The following MDGA2 variants were observed in gnomAD, a reference collection of about 807,000 sequenced individuals.
MDGA2 encodes the protein MAM domain-containing glycosylphosphatidylinositol anchor protein 2.
Under a neutral mutation model 117.8 loss-of-function variants are expected in MDGA2, and 40 were observed. The observed-to-expected ratio is 0.34, with a 90% CI of 0.26 to 0.44. MDGA2 has a LOEUF of 0.44. MDGA2 is among the 20% of genes least tolerant of loss of function. The pLI, the probability that MDGA2 is intolerant of heterozygous loss-of-function variation, is 1.00. For synonymous variants in MDGA2, 452 were observed against 439.0 expected (o/e 1.03, Z -0.37); for missense variants, 1,123 against 1,250.6 (o/e 0.90, Z 1.54).
intron 5 of MDGA2, among the ~76,000 whole-genome samples, chr14:47,130,002 A>AGC (rs1566641441): frequency 6.6e-6 from 1 of 151,028 alleles, no homozygotes; most frequent in Non-Finnish European, 1.5e-5. Flanking sequence ...GCCCTTTGTC[A>AGC]GATAAGTAGG....
At chr14:47,482,903 GA>G (rs71900416) in intron 1 of MDGA2, among the ~76,000 whole-genome samples, 33,883 of 137,388 alleles carry the variant, frequency 0.25, 4,626 homozygotes, top group South Asian at 0.48. Flanking sequence ...GTGGAGTAAT[GA>G]AAAAAAAAAA....
At chr14:47,199,373 T>C (rs1366252991) in intron 3 of MDGA2, among the ~76,000 whole-genome samples, 1 of 152,292 alleles carries the variant, frequency 6.6e-6, no homozygotes, top group South Asian at 2.1e-4. Flanking sequence ...AACAAATCAT[T>C]ATGACAAAGT....
chr14:47,233,003 A>G (rs1886742397), intron 2 of MDGA2, among the ~76,000 whole-genome samples: 1 of 152,170 alleles, frequency 6.6e-6, no homozygotes, highest in African/African-American at 2.4e-5. Context: ...TGCGTAATTC[A>G]TAAAGACTTT....
chr14:47,122,904 A>C (rs1881725007), intron 5 of MDGA2, among the ~76,000 whole-genome samples: 1 of 152,104 alleles, frequency 6.6e-6, no homozygotes, highest in South Asian at 2.1e-4. Context: ...CAATCTACTG[A>C]AACAAATACA....
rs558417948 is a variant in MDGA2, at chr14:47,532,835, T to G, written c.280+141682A>C. Among the ~76,000 whole-genome samples the G allele has an allele frequency of 2.5e-4, 38 of 152,344 alleles. 1 individual carries two copies. In the South Asian group the frequency reaches 7.7e-3, roughly 31 times the overall value. On this transcript the variant is annotated intron_variant, in intron 1 of 16. Transcript: ENST00000399232. Reference sequence around the variant, plus strand: ...TACAGATTAGGTTCAATTCTAGGTTTTATCCAGTGCCTCAAACAATGTTAT... The same window carrying G: ...TACAGATTAGGTTCAATTCTAGGTTGTATCCAGTGCCTCAAACAATGTTAT...
At chr14:46,998,479 T>C (rs1047270054) in intron 8 of MDGA2, among the ~76,000 whole-genome samples, 10 of 152,218 alleles carry the variant, frequency 6.6e-5, no homozygotes, top group Admixed American at 1.3e-4. Flanking sequence ...AAAGGTTACA[T>C]AAACTTCTGT....
At position 47,403,689 on chromosome 14, in the gene MDGA2, T is replaced by C. The variant is rs117854391; in HGVS notation, c.281-102139A>G. Among the ~76,000 whole-genome samples the C allele has an allele frequency of 2.0e-3, 308 of 152,266 alleles. 4 individuals are homozygous for C. In the East Asian group the frequency reaches 0.046, roughly 23 times the overall value. On this transcript the variant is annotated intron_variant, in intron 1 of 16. Coordinates refer to ENST00000399232, the MANE Select transcript of MDGA2 (RefSeq NM_001113498.3). Reference sequence around the variant, plus strand: ...TCACCAGTTCAAATGGAGTTTGAATTTGCGTGCTTTAGCTTTCCATAATGA... The same window carrying C: ...TCACCAGTTCAAATGGAGTTTGAATCTGCGTGCTTTAGCTTTCCATAATGA...
intron 2 of MDGA2, among the ~76,000 whole-genome samples, chr14:47,224,278 G>A (rs1349360011): frequency 6.6e-6 from 1 of 151,136 alleles, no homozygotes; most frequent in African/African-American, 2.4e-5. Context: ...ATTCCCAATA[G>A]AGTCTGATAT....
At chr14:47,087,342 C>G (rs1003912923) in intron 6 of MDGA2, among the ~76,000 whole-genome samples, 1 of 151,146 alleles carries the variant, frequency 6.6e-6, no homozygotes, top group South Asian at 2.1e-4. Flanking sequence ...TGGTGAAACC[C>G]CACCTCTACA....
chr14:47,183,110 T>C (rs947349716), intron 3 of MDGA2, among the ~76,000 whole-genome samples: 16 of 152,166 alleles, frequency 1.1e-4, no homozygotes, highest in African/African-American at 3.9e-4. Flanking sequence ...ATTAGACTCA[T>C]TATCTTCCTC....
chr14:47,496,337 G>A (rs1414082000), intron 1 of MDGA2, among the ~76,000 whole-genome samples: 1 of 152,086 alleles, frequency 6.6e-6, no homozygotes, highest in Non-Finnish European at 1.5e-5. Flanking sequence ...CTAACTCCTA[G>A]TCTCCAACAA....
At chr14:47,592,049 GA>G (rs902859111) in intron 1 of MDGA2, among the ~76,000 whole-genome samples, 2 of 151,582 alleles carry the variant, frequency 1.3e-5, no homozygotes, top group Non-Finnish European at 2.9e-5. Context: ...AAAATCTAAG[GA>G]AAAAAAATCG....
intron 4 of MDGA2, among the ~76,000 whole-genome samples, chr14:47,134,330 TA>T (rs1243433687): frequency 6.6e-6 from 1 of 152,068 alleles, no homozygotes; most frequent in East Asian, 1.9e-4. Context: ...TATATATATT[TA>T]TTTCTCCAGA....
At chr14:47,074,555 C>G (rs1254470131) in intron 6 of MDGA2, among the ~76,000 whole-genome samples, 1 of 152,230 alleles carries the variant, frequency 6.6e-6, no homozygotes, top group Non-Finnish European at 1.5e-5. Context: ...CCGCTTCGCC[C>G]TCCCAGAGTG....
intron 1 of MDGA2, among the ~76,000 whole-genome samples, chr14:47,423,751 T>G (rs539572902): frequency 6.6e-6 from 1 of 152,302 alleles, no homozygotes; most frequent in South Asian, 2.1e-4. Flanking sequence ...TCAAAAGATA[T>G]GTCAGTGTTC....
intron 1 of MDGA2, among the ~76,000 whole-genome samples, chr14:47,391,265 A>T (rs759953585): frequency 2.0e-5 from 3 of 152,136 alleles, no homozygotes; most frequent in Non-Finnish European, 4.4e-5. Context: ...TGTACTGTAG[A>T]TTTGCCGAAG....
intron 2 of MDGA2, among the ~76,000 whole-genome samples, chr14:47,254,194 G>T (rs1304199549): frequency 6.6e-6 from 1 of 152,192 alleles, no homozygotes; most frequent in Admixed American, 6.5e-5. Flanking sequence ...CACTGTCTTG[G>T]TGATCAACAT....
chr14:47,324,427 T>C (rs143442911), intron 1 of MDGA2, among the ~76,000 whole-genome samples: 99 of 152,254 alleles, frequency 6.5e-4, no homozygotes, highest in Middle Eastern at 6.8e-3. Context: ...AGGCTGAAAA[T>C]ATCAAAGTTA....
At chr14:47,079,770 C>T (rs1275481463) in intron 6 of MDGA2, among the ~76,000 whole-genome samples, 9 of 113,602 alleles carry the variant, frequency 7.9e-5, no homozygotes, top group South Asian at 2.9e-4. Flanking sequence ...CTCGCTCTGT[C>T]GCCCAGGCTG....
Sources: gnomAD v4.1 joint callset for allele counts (sites outside exome capture counted in the v4.1 genomes callset) on GRCh38, gnomAD v4.1.1 for gene constraint, MANE v1.5 for transcripts, NCBI Gene and HGNC (gene_info 2026-07-23, HGNC 2026-07-21) for gene names.